The following ANKRD44 variants were observed in gnomAD, a reference collection of about 807,000 sequenced individuals.
ANKRD44 encodes ankyrin repeat domain 44.
Under a neutral mutation model 116.0 loss-of-function variants are expected in ANKRD44, and 35 were observed. That is an observed-to-expected ratio of 0.30 (90% CI 0.23 to 0.40). The LOEUF (loss-of-function observed/expected upper bound fraction) is 0.40. Among genes scored for constraint, ANKRD44 ranks in the 10% least tolerant of loss-of-function variants. The pLI is 1.00. For synonymous variants in ANKRD44, 435 were observed against 461.8 expected, an observed-to-expected ratio of 0.94 and a Z score of 0.74; for missense variants, 1,014 against 1,242.6, an observed-to-expected ratio of 0.82 and a Z score of 2.77.
intron 25 of ANKRD44, among the ~76,000 whole-genome samples, chr2:196,997,030 T>C (rs1280699873): frequency 6.6e-6 from 1 of 151,956 alleles, no homozygotes; most frequent in East Asian, 1.9e-4. Context: ...TTTATACAGG[T>C]TGAGCATCCC....
intron 1 of ANKRD44, 138 bp from the exon 2 acceptor site, chr2:197,187,244 G>C: frequency 1.3e-6 from 1 of 764,518 alleles, no homozygotes; most frequent in Non-Finnish European, 2.2e-6. Context: ...ATAAGACTCA[G>C]ACCAACCCTT....
chr2:197,149,532 A>G (rs1256325478), intron 2 of ANKRD44, among the ~76,000 whole-genome samples: 3 of 152,234 alleles, frequency 2.0e-5, no homozygotes, highest in African/African-American at 7.2e-5. Context: ...AGTTTCCAGA[A>G]TAACTATGCG....
At chr2:196,986,438 C>T (rs899215649), downstream of ANKRD44, among the ~76,000 whole-genome samples, 1 of 147,818 alleles carries the variant, frequency 6.8e-6, no homozygotes, top group Admixed American at 6.6e-5. Flanking sequence ...AAACAAAACC[C>T]TTTATGGAAA....
At chr2:197,022,237 A>G (rs968647942) in intron 17 of ANKRD44, among the ~76,000 whole-genome samples, 1 of 152,178 alleles carries the variant, frequency 6.6e-6, no homozygotes, top group Non-Finnish European at 1.5e-5. Flanking sequence ...AATAATTTGT[A>G]TTTAGAGAGA....
At chr2:197,058,501 T>C (rs2077246541) in intron 16 of ANKRD44, among the ~76,000 whole-genome samples, 1 of 151,336 alleles carries the variant, frequency 6.6e-6, no homozygotes, top group South Asian at 2.1e-4. Flanking sequence ...GAAAAAATAA[T>C]AGATAAGTTT....
At chr2:197,050,797 T>C (rs2077092565) in intron 16 of ANKRD44, among the ~76,000 whole-genome samples, 1 of 152,146 alleles carries the variant, frequency 6.6e-6, no homozygotes. Context: ...AATTAAATTA[T>C]ATTACTGTTA....
intron 6 of ANKRD44, among the ~76,000 whole-genome samples, chr2:197,123,849 T>C (rs2078915588): frequency 6.6e-6 from 1 of 152,210 alleles, no homozygotes. Context: ...CAAGACTTTA[T>C]ATAGAAAAAA....
rs184584082 is a variant in ANKRD44 at position 196,988,267 on chromosome 2, C to G, written c.*1324G>C. 1.0e-6 allele frequency: 1 copy of G among 985,254 alleles called. No homozygotes were observed. The highest frequency in any genetic ancestry group is 1.1e-4 in the East Asian group (1 of 8,832). 61.0% of individuals were successfully genotyped at this position (985,254 alleles called of 1,614,324 possible). A position where few individuals can be genotyped will look rare whatever the true frequency, so the allele number is the denominator to read the frequency against. ...TCCATTCACTTCTAGAAAAAGACAC[C>G]GCAGCATATTGTGCTTCTTCAACAC... is the stretch of plus-strand genomic sequence containing the variant. On this transcript the variant is annotated 3_prime_UTR_variant, in exon 28 of 28. Transcript: ENST00000282272.
intron 2 of ANKRD44, among the ~76,000 whole-genome samples, chr2:197,183,227 C>A (rs534371246): frequency 6.6e-6 from 1 of 151,894 alleles, no homozygotes; most frequent in Non-Finnish European, 1.5e-5. Flanking sequence ...ACATGTGACC[C>A]ATCAAAAAGC....
intron 3 of ANKRD44, among the ~76,000 whole-genome samples, chr2:197,145,417 A>AT (rs2079474801): frequency 6.6e-6 from 1 of 152,186 alleles, no homozygotes; most frequent in Non-Finnish European, 1.5e-5. Flanking sequence ...TCTGCCTACA[A>AT]TTTTCCACGG....
At chr2:197,276,289 A>T (rs1022325234) in intron 1 of ANKRD44, among the ~76,000 whole-genome samples, 1 of 151,392 alleles carries the variant, frequency 6.6e-6, no homozygotes, top group Non-Finnish European at 1.5e-5. Flanking sequence ...AAAAAAAAAA[A>T]AAAAAGGAAA....
At chr2:196,980,927 ATT>A (rs1266351233) in intron 21 of ANKRD44, among the ~76,000 whole-genome samples, 5 of 152,194 alleles carry the variant, frequency 3.3e-5, no homozygotes, top group Non-Finnish European at 7.4e-5. Context: ...GTTCTCATTT[ATT>A]TTGCTTCAAT....
chr2:197,125,994 G>C lies in ANKRD44; in HGVS notation c.305C>G (p.Ala102Gly), dbSNP rs2078966790. ...AGGGGTCTGCCAGTTCTTGTCCCTT[G>C]CATTGACATCAGCTGAGTGCTTAAT... ...VLIKHSADVN[A>G]RDKNWQTPLH... Residue 102 changes from alanine to glycine, a missense_variant, in exon 5 of 28, where the codon GCA (alanine) becomes GGA (glycine). Ala to Gly is a moderately conservative substitution (Grantham distance 60). Coordinates refer to ENST00000282272, the MANE Select transcript of ANKRD44 (RefSeq NM_001195144.2). 1 of 1,614,104 alleles carries C rather than the reference G, an allele frequency of 6.2e-7. No homozygotes were observed. The highest frequency in any genetic ancestry group is 8.5e-7 in the Non-Finnish European group (1 of 1,180,048).
rs966707415 is a variant in ANKRD44, at chr2:197,203,295, T to C, written c.28-16189A>G. On this transcript the variant is annotated intron_variant, in intron 1 of 27. Coordinates refer to ENST00000282272, the MANE Select transcript of ANKRD44 (RefSeq NM_001195144.2). This position sits in a 1 kb window ranked among gnomAD's most constrained non-coding sequence, Gnocchi z 4.1. The stretch of plus-strand genomic sequence containing the variant: ...TATAATATATAAACCAAAAAAGATA[T>C]ACAAATGGCCAAAAAGCACATGAAA... Among the ~76,000 whole-genome samples, 1 of 152,162 alleles carries C rather than the reference T, an allele frequency of 6.6e-6. No homozygotes were observed. The highest frequency in any genetic ancestry group is 2.4e-5 in the African/African-American group (1 of 41,420).
At chr2:197,187,675 T>C (rs969418335) in intron 1 of ANKRD44, among the ~76,000 whole-genome samples, 2 of 149,444 alleles carry the variant, frequency 1.3e-5, no homozygotes, top group East Asian at 1.9e-4. Flanking sequence ...TCTCTCTCTC[T>C]CTCCCTCTTC....
intron 21 of ANKRD44, among the ~76,000 whole-genome samples, chr2:196,975,810 AAAG>A: frequency 9.2e-4 from 3 of 3,268 alleles, no homozygotes; most frequent in Non-Finnish European, 4.0e-3. Context: ...GAAAAAGAAA[AAAG>A]AAAGAAAGAA....
chr2:197,063,858 A>T (rs1020212441), intron 16 of ANKRD44, among the ~76,000 whole-genome samples: 1 of 152,366 alleles, frequency 6.6e-6, no homozygotes, highest in South Asian at 2.1e-4. Context: ...GGGAGAATGG[A>T]ACCAAGTTGG....
In ANKRD44 at chr2:197,125,917, G is replaced by A. The variant is rs951208277; in HGVS notation, c.382C>T (p.Pro128Ser). ...GAGACATTGACACTGCTCAGCAGGG[G>A]AATGATCACTTCTGCACATTTGACA... The part of the protein sequence containing the change: ...KAVKCAEVII[P>S]LLSSVNVSDR... The change falls in exon 5 of 28, where the codon CCC (proline) becomes TCC (serine). Residue 128 changes from proline to serine, a missense_variant. Coordinates refer to ENST00000282272, the MANE Select transcript of ANKRD44 (RefSeq NM_001195144.2). 2.5e-6 allele frequency: 4 copies of A among 1,614,210 alleles called. No individual in the cohort carries two copies. Among genetic ancestry groups the A allele is most frequent in the Non-Finnish European group, 2.5e-6 (3 of 1,180,034 alleles).
chr2:197,072,246 A>C (rs2077577157), intron 16 of ANKRD44, among the ~76,000 whole-genome samples: 1 of 152,234 alleles, frequency 6.6e-6, no homozygotes, highest in African/African-American at 2.4e-5. Flanking sequence ...AGAAGTTTCC[A>C]CATCAGAAGC....
Sources: allele counts gnomAD v4.1 joint callset (sites outside exome capture counted in the v4.1 genomes callset), GRCh38; gene constraint gnomAD v4.1.1; non-coding constraint Gnocchi (gnomAD v3.1); transcripts MANE v1.5; gene names NCBI Gene and HGNC (gene_info 2026-07-23, HGNC 2026-07-21).